MYH11: variants seen among roughly 807,000 people sequenced by gnomAD.
The protein encoded by MYH11 is myosin-11.
In MYH11, 80 loss-of-function variants were observed where a neutral mutation model predicts 246.6. The observed-to-expected ratio is 0.32, with a 90% CI of 0.27 to 0.39. The LOEUF (loss-of-function observed/expected upper bound fraction) is 0.39. MYH11 is among the 10% of genes least tolerant of loss of function. The probability of loss-of-function intolerance (pLI) is 1.00; values close to 1 mark genes in which losing one functional copy is unlikely to be tolerated. For missense variants in MYH11, 2,158 were observed against 2,546.8 expected (o/e 0.85, Z 3.29); for synonymous variants, 1,071 against 1,015.5 (o/e 1.05, Z -1.04).
intron 9 of MYH11, among the ~76,000 whole-genome samples, chr16:15,766,431 C>A (rs2041985716): frequency 6.6e-6 from 1 of 150,938 alleles, no homozygotes; most frequent in Non-Finnish European, 1.5e-5. Flanking sequence ...TGCATTGGTG[C>A]AATCTCGGCT....
At chr16:15,720,041 C>T in intron 34 of MYH11, 110 bp downstream of exon 34, 1 of 1,444,040 alleles carries the variant, frequency 6.9e-7, no homozygotes, top group Non-Finnish European at 9.7e-7. Flanking sequence ...TGAACCCACA[C>T]CAATGGCAGG....
At chr16:15,807,804 G>A (rs2043049576) in intron 3 of MYH11, among the ~76,000 whole-genome samples, 1 of 152,186 alleles carries the variant, frequency 6.6e-6, no homozygotes, top group South Asian at 2.1e-4. Flanking sequence ...TTCCTGAGAA[G>A]ATAAAGGGCT....
chr16:15,737,596 C>T lies in MYH11; in HGVS notation c.3146G>A (p.Ser1049Asn). The change falls in exon 25 of 41, where the codon AGC (serine) becomes AAC (asparagine). Residue 1049 changes from serine to asparagine, a missense_variant. This residue lies in a region of MYH11 where 284 missense variants were observed against 315.4 expected (regional missense o/e 0.90). Transcript: ENST00000300036. ...TTTCAGCTTCTCCAGCTCCTGTCGG[C>T]TCTTCTCTTCCTTCTTTAGCCGCAC... is the stretch of plus-strand genomic sequence containing the variant. ...LEVRLKKEEK[S>N]RQELEKLKRK... 1 of 1,613,482 alleles carries T rather than the reference C, an allele frequency of 6.2e-7. No homozygotes were observed. Among genetic ancestry groups the T allele is most frequent in the Non-Finnish European group, 8.5e-7 (1 of 1,180,008 alleles).
At chr16:15,837,045 TTA>T (rs2043916815) in intron 2 of MYH11, among the ~76,000 whole-genome samples, 1 of 152,132 alleles carries the variant, frequency 6.6e-6, no homozygotes, top group African/African-American at 2.4e-5. Context: ...TTTAATTAAT[TTA>T]AATCTAAATT....
chr16:15,813,168 AAAAC>A (rs957717164), intron 3 of MYH11, among the ~76,000 whole-genome samples: 1 of 151,864 alleles, frequency 6.6e-6, no homozygotes, highest in Non-Finnish European at 1.5e-5. Flanking sequence ...ACTCTGTCTC[AAAAC>A]AAACAAACAA....
Position 15,737,550 on chromosome 16 carries a change from G to A in MYH11, c.3192C>T (p.Ala1064=), listed in dbSNP as rs1388231019. 1.9e-6 allele frequency: 3 copies of A among 1,613,998 alleles called. No homozygotes were observed. Among genetic ancestry groups the A allele is most frequent in the South Asian group, 1.1e-5 (1 of 91,088 alleles). The part of the protein sequence containing the change: ...EKLKRKLEGD[A]SDFHEQIADL... ...CAGCGATCTGCTCGTGGAAGTCGCT[G>A]GCATCACCCTCCAGCTTCCGTTTCA... The change falls in exon 25 of 41, where the codon GCC becomes GCT. Residue 1064 remains alanine, a synonymous_variant. Coordinates refer to ENST00000300036, the MANE Select transcript of MYH11 (RefSeq NM_002474.3).
intron 10 of MYH11, among the ~76,000 whole-genome samples, chr16:15,761,928 AT>A (rs2041876349): frequency 6.6e-6 from 1 of 152,180 alleles, no homozygotes; most frequent in Non-Finnish European, 1.5e-5. Flanking sequence ...CCACTGAACC[AT>A]TTGTGGGTGT....
chr16:15,787,499 T>C (rs2042499013), intron 4 of MYH11, among the ~76,000 whole-genome samples: 1 of 141,604 alleles, frequency 7.1e-6, no homozygotes, highest in Admixed American at 7.1e-5. Flanking sequence ...TTTTTTTTTT[T>C]TTGAGATGGA....
At chr16:15,788,798 A>ATGTG (rs58077308) in intron 4 of MYH11, among the ~76,000 whole-genome samples, 2,609 of 104,778 alleles carry the variant, frequency 0.025, 31 homozygotes, top group Middle Eastern at 0.041. Flanking sequence ...ACCAGAATAT[A>ATGTG]TGTGTGTGTG....
At chr16:15,831,464 G>GGGGTGTGTGTGTGT (rs138443794) in intron 2 of MYH11, among the ~76,000 whole-genome samples, 2 of 145,588 alleles carry the variant, frequency 1.4e-5, no homozygotes, top group African/African-American at 5.1e-5. Context: ...TTATGTTTGG[G>GGGGTGTGTGTGTGT]GTGTGTGTGT....
intron 2 of MYH11, among the ~76,000 whole-genome samples, chr16:15,829,467 G>T (rs1271844745): frequency 6.6e-6 from 1 of 152,162 alleles, no homozygotes; most frequent in East Asian, 1.9e-4. Context: ...GGGTCGTGGG[G>T]CTTCAGCATC....
chr16:15,798,855 G>C (rs932794360), intron 3 of MYH11, among the ~76,000 whole-genome samples, 168 bp from the exon 4 acceptor site: 1 of 152,098 alleles, frequency 6.6e-6, no homozygotes, highest in African/African-American at 2.4e-5. Context: ...CAGGGGCCAC[G>C]ACCAAAGCCA....
At chr16:15,790,589 T>A (rs1249505671) in intron 4 of MYH11, among the ~76,000 whole-genome samples, 1 of 152,224 alleles carries the variant, frequency 6.6e-6, no homozygotes, top group Non-Finnish European at 1.5e-5. Flanking sequence ...GAAACATTCA[T>A]AGCTTGGCTT....
intron 4 of MYH11, among the ~76,000 whole-genome samples, chr16:15,793,850 C>T (rs1334254876): frequency 4.9e-5 from 7 of 142,338 alleles, no homozygotes; most frequent in Non-Finnish European, 1.1e-4. Context: ...GTCTCGAACT[C>T]CTGACCTCGT....
chr16:15,831,168 T>A (rs962542723), intron 2 of MYH11, among the ~76,000 whole-genome samples: 3 of 151,820 alleles, frequency 2.0e-5, no homozygotes, highest in Non-Finnish European at 4.4e-5. Flanking sequence ...TGAGACTCCA[T>A]CTCGAAAAAT....
intron 3 of MYH11, among the ~76,000 whole-genome samples, chr16:15,806,739 T>A (rs371621664): frequency 2.4e-4 from 36 of 152,312 alleles, no homozygotes; most frequent in African/African-American, 7.9e-4. Context: ...TCATTTTCAA[T>A]GCTTTTCCCC....
At chr16:15,732,514 G>A (rs2040995089) in intron 27 of MYH11, 50 bp downstream of exon 27, 2 of 1,613,600 alleles carry the variant, frequency 1.2e-6, no homozygotes, top group Non-Finnish European at 1.7e-6. Flanking sequence ...TGAGGCTGCT[G>A]ATGTCACTCT....
Position 15,726,935 on chromosome 16 carries a change from C to T in MYH11, c.3771G>A (p.Leu1257=). 6.2e-7 allele frequency: 1 copy of T among 1,613,312 alleles called. No homozygotes were observed. Among genetic ancestry groups the T allele is most frequent in the Non-Finnish European group, 8.5e-7 (1 of 1,180,004 alleles). ...ACTGCAGCTCCTGCACCTGCGCCTCCAGCTTCTTCTTCTTATGTTCCACCT... is the reference window on the plus strand; with the variant it reads ...ACTGCAGCTCCTGCACCTGCGCCTCTAGCTTCTTCTTCTTATGTTCCACCT... ...KQEVEHKKKK[L]EAQVQELQSK... Residue 1257 remains leucine (L), a synonymous_variant, in exon 28 of 41, where the codon CTG becomes CTA. Transcript: ENST00000300036.
intron 10 of MYH11, 31 bp downstream of exon 10, chr16:15,763,762 AAGT>A: frequency 2.1e-6 from 1 of 483,786 alleles, no homozygotes; most frequent in Non-Finnish European, 4.1e-6. Flanking sequence ...CCCAACCCCA[AAGT>A]CATTGGTCAT....
Sources: allele counts gnomAD v4.1 joint callset (sites outside exome capture counted in the v4.1 genomes callset), GRCh38; gene constraint gnomAD v4.1.1; regional missense constraint gnomAD v4.1.1; transcripts MANE v1.5; gene names NCBI Gene and HGNC (gene_info 2026-07-23, HGNC 2026-07-21).